ZNF362: variants seen among roughly 807,000 people sequenced by gnomAD.
The protein encoded by ZNF362 is zinc finger protein 362.
Under a neutral mutation model 42.9 loss-of-function variants are expected in ZNF362, and 11 were observed. The ratio of observed to expected loss-of-function variants is 0.26; its 90% CI spans 0.16 to 0.42. ZNF362 has a LOEUF of 0.42. Among genes scored for constraint, ZNF362 ranks in the 20% least tolerant of loss-of-function variants. ZNF362 has a pLI of 1.00. For synonymous variants in ZNF362, 255 were observed against 257.3 expected (o/e 0.99, Z 0.09); for missense variants, 362 against 576.2 (o/e 0.63, Z 3.81).
the ZNF362 span, among the ~76,000 whole-genome samples, chr1:33,228,720 C>T: frequency 6.6e-6 from 1 of 152,164 alleles, no homozygotes; most frequent in South Asian, 2.1e-4. Context: ...ACCATCTCTC[C>T]AAGATTATTG....
At chr1:33,216,524 CA>C in the ZNF362 span, among the ~76,000 whole-genome samples, 2 of 132,388 alleles carry the variant, frequency 1.5e-5, no homozygotes, top group Non-Finnish European at 3.2e-5. Context: ...CCCTTGAACC[CA>C]GGAGGCAGAG....
the ZNF362 span, among the ~76,000 whole-genome samples, chr1:33,237,979 CCTT>C: frequency 6.6e-6 from 1 of 152,160 alleles, no homozygotes; most frequent in Non-Finnish European, 1.5e-5. Context: ...ACCATATACT[CCTT>C]CTCTCCCAAA....
rs569611328 is a variant in ZNF362, at chr1:33,288,680, G to T, written c.909-6257G>T. On this transcript the variant is annotated intron_variant, in intron 6 of 8. Coordinates refer to ENST00000539719, the MANE Select transcript of ZNF362 (RefSeq NM_152493.3). ...TAATCGCTGAACTGGGGAGGCGGAG[G>T]TTGCAGTGAGCTGAGATTGTGCCAC... is the stretch of plus-strand genomic sequence containing the variant. Among the ~76,000 whole-genome samples, 14 of 143,580 alleles carry T rather than the reference G, an allele frequency of 9.8e-5. No homozygotes were observed. The South Asian group carries it at 3.2e-3, about 33-fold the overall frequency. 94.2% of individuals were successfully genotyped at this position (143,580 alleles called of 152,430 possible).
At chr1:33,190,340 C>G in the ZNF362 span, among the ~76,000 whole-genome samples, 1 of 152,178 alleles carries the variant, frequency 6.6e-6, no homozygotes, top group Non-Finnish European at 1.5e-5. Context: ...TATGGTAATT[C>G]CATACACTAT....
chr1:33,239,764 G>A, the ZNF362 span, among the ~76,000 whole-genome samples: 1 of 152,052 alleles, frequency 6.6e-6, no homozygotes, highest in Non-Finnish European at 1.5e-5. Flanking sequence ...GAGATTACAG[G>A]GATTACAATT....
At chr1:33,298,500 AGACAAGAT>A (rs1646140664) in intron 8 of ZNF362, among the ~76,000 whole-genome samples, 1 of 152,174 alleles carries the variant, frequency 6.6e-6, no homozygotes, top group Admixed American at 6.5e-5. Context: ...AGGCTCAGAG[AGACAAGAT>A]GACTTGTCCA....
the ZNF362 span, among the ~76,000 whole-genome samples, chr1:33,221,473 G>T: frequency 6.6e-6 from 1 of 152,202 alleles, no homozygotes; most frequent in African/African-American, 2.4e-5. Context: ...TATACCCACA[G>T]GGTTGCTGCC....
chr1:33,184,548 C>A, the ZNF362 span, among the ~76,000 whole-genome samples: 84 of 152,280 alleles, frequency 5.5e-4, 2 homozygotes, highest in East Asian at 0.015. Context: ...GCTCCATTTT[C>A]TCTTCTCTTG....
the ZNF362 span, among the ~76,000 whole-genome samples, chr1:33,227,861 T>C: frequency 7.6e-5 from 1 of 13,140 alleles, no homozygotes; most frequent in Non-Finnish European, 2.2e-4. Context: ...GGAAGGGATC[T>C]TTTTTTTTTC....
the ZNF362 span, among the ~76,000 whole-genome samples, chr1:33,249,042 T>C: frequency 2.0e-5 from 3 of 152,126 alleles, no homozygotes; most frequent in Non-Finnish European, 4.4e-5. Flanking sequence ...AAGCAAACAA[T>C]TAGAAATCAG....
the ZNF362 span, among the ~76,000 whole-genome samples, chr1:33,224,382 C>T: frequency 1.4e-4 from 21 of 152,268 alleles, no homozygotes; most frequent in African/African-American, 5.1e-4. Context: ...ATCAAATTTC[C>T]AGACCTAAGT....
the ZNF362 span, among the ~76,000 whole-genome samples, chr1:33,205,759 C>CA: frequency 6.6e-6 from 1 of 151,678 alleles, no homozygotes; most frequent in Non-Finnish European, 1.5e-5. Context: ...ACTAAAAATA[C>CA]AAAAAAATTA....
Position 33,281,810 on chromosome 1 carries a change from A to C in ZNF362, c.907A>C (p.Arg303=). Reference sequence around the variant, plus strand: ...GCTCTCCCACCTCCAGCAGCACACCAGGTGAGTGGCCTGCCTGCTGCCCTG... The same window carrying C: ...GCTCTCCCACCTCCAGCAGCACACCCGGTGAGTGGCCTGCCTGCTGCCCTG... ...RQLSHLQQHT[R]IHTGDRPYKC... Residue 303 remains arginine (R), a splice_region_variant and synonymous_variant, in exon 6 of 9, where the codon AGA becomes CGA. Coordinates refer to ENST00000539719, the MANE Select transcript of ZNF362 (RefSeq NM_152493.3). This position sits in a 1 kb window ranked among gnomAD's most constrained non-coding sequence, Gnocchi z 4.8. The C allele has an allele frequency of 6.2e-7, 1 of 1,613,986 alleles. No homozygotes were observed. The highest frequency in any genetic ancestry group is 8.5e-7 in the Non-Finnish European group (1 of 1,179,878).
the ZNF362 span, among the ~76,000 whole-genome samples, chr1:33,191,252 C>T: frequency 2.6e-5 from 4 of 152,170 alleles, no homozygotes; most frequent in East Asian, 7.7e-4. Flanking sequence ...GTTTCTACCT[C>T]CTGATTGGAC....
chr1:33,138,641 AAAAAG>A, the ZNF362 span, among the ~76,000 whole-genome samples: 230 of 100,718 alleles, frequency 2.3e-3, 1 homozygote, highest in African/African-American at 6.2e-3. Flanking sequence ...AAAAAAAAAA[AAAAAG>A]AAAAGGAAAG....
intron 4 of ZNF362, among the ~76,000 whole-genome samples, chr1:33,279,846 A>G (rs978715165): frequency 1.3e-5 from 2 of 152,188 alleles, no homozygotes; most frequent in East Asian, 3.8e-4. Flanking sequence ...TGCCTCTAAA[A>G]TTTTGCTGTT....
At chr1:33,223,510 C>T in the ZNF362 span, among the ~76,000 whole-genome samples, 1 of 152,264 alleles carries the variant, frequency 6.6e-6, no homozygotes, top group Non-Finnish European at 1.5e-5. Flanking sequence ...TCCCAAATTA[C>T]TCTCTGTTCT....
chr1:33,249,772 T>C, the ZNF362 span, among the ~76,000 whole-genome samples: 1 of 152,086 alleles, frequency 6.6e-6, no homozygotes, highest in Non-Finnish European at 1.5e-5. Context: ...GGGAAGATTT[T>C]CCAAGGGAGG....
upstream of ZNF362, among the ~76,000 whole-genome samples, chr1:33,255,985 G>C (rs1454902568): frequency 6.6e-6 from 1 of 151,642 alleles, no homozygotes; most frequent in African/African-American, 2.4e-5. Context: ...CGCCGGGCCT[G>C]GGCAGGACAA....
Sources: gnomAD v4.1 joint callset for allele counts (sites outside exome capture counted in the v4.1 genomes callset) on GRCh38, gnomAD v4.1.1 for gene constraint, Gnocchi (gnomAD v3.1) non-coding constraint, MANE v1.5 for transcripts, NCBI Gene and HGNC (gene_info 2026-07-23, HGNC 2026-07-21) for gene names.